DYM: variants seen among roughly 807,000 people sequenced by gnomAD.
DYM encodes the protein dymeclin, also known as dyggve-Melchior-Clausen syndrome protein.
DYM carries 78 observed loss-of-function variants against 93.1 expected under a neutral mutation model. The ratio of observed to expected loss-of-function variants is 0.84; its 90% CI spans 0.70 to 1.01. The LOEUF (loss-of-function observed/expected upper bound fraction) is 1.01. Ranked by LOEUF, DYM falls within the 50% of genes least tolerant of loss-of-function variation. DYM has a pLI of 0.00. For missense variants in DYM, 789 were observed against 845.0 expected (o/e 0.93, Z 0.82); for synonymous variants, 321 against 319.7 (o/e 1.00, Z -0.04).
intron 15 of DYM, among the ~76,000 whole-genome samples, chr18:49,149,883 T>C (rs1268666596): frequency 6.6e-6 from 1 of 151,816 alleles, no homozygotes; most frequent in Non-Finnish European, 1.5e-5. Flanking sequence ...ATTTTTGTAT[T>C]TTTTTAGTAG....
At chr18:49,434,978 C>T (rs912362186) in intron 1 of DYM, among the ~76,000 whole-genome samples, 14 of 152,038 alleles carry the variant, frequency 9.2e-5, no homozygotes, top group Admixed American at 7.9e-4. Context: ...GAAGCCAAGG[C>T]AGGCGGATCA....
At chr18:49,296,238 G>C (rs1275805956) in intron 8 of DYM, among the ~76,000 whole-genome samples, 2 of 152,082 alleles carry the variant, frequency 1.3e-5, no homozygotes, top group South Asian at 4.1e-4. Flanking sequence ...ACTATTTCTA[G>C]CTAGAAGCAT....
chr18:49,211,894 A>C (rs539102630), intron 13 of DYM, among the ~76,000 whole-genome samples: 8 of 152,242 alleles, frequency 5.3e-5, no homozygotes, highest in Non-Finnish European at 1.2e-4. Flanking sequence ...AAAGGATTCT[A>C]GGACTCCATC....
chr18:49,100,788 TA>T (rs1319526525), intron 16 of DYM, among the ~76,000 whole-genome samples: 1 of 152,180 alleles, frequency 6.6e-6, no homozygotes, highest in Non-Finnish European at 1.5e-5. Flanking sequence ...TACAGAATTG[TA>T]AAAAGGATCA....
intron 3 of DYM, among the ~76,000 whole-genome samples, chr18:49,384,111 GC>G (rs1296133723): frequency 6.6e-6 from 1 of 151,900 alleles, no homozygotes; most frequent in African/African-American, 2.4e-5. Context: ...ATTGCTTGTG[GC>G]CAGAAGTTCA....
intron 15 of DYM, among the ~76,000 whole-genome samples, chr18:49,121,104 A>G (rs1368878065): frequency 2.0e-5 from 3 of 152,266 alleles, no homozygotes; most frequent in African/African-American, 7.2e-5. Flanking sequence ...GAGATAAAAC[A>G]TTCTGAAAAT....
chr18:49,148,550 C>T (rs907068610), intron 15 of DYM, among the ~76,000 whole-genome samples: 1 of 152,080 alleles, frequency 6.6e-6, no homozygotes, highest in African/African-American at 2.4e-5. Context: ...AGCCCCGGCA[C>T]CAAGCCTTTA....
At chr18:49,272,938 G>A (rs2094746412) in intron 10 of DYM, among the ~76,000 whole-genome samples, 1 of 151,848 alleles carries the variant, frequency 6.6e-6, no homozygotes, top group Non-Finnish European at 1.5e-5. Context: ...ATTTATTAAA[G>A]ATGGGCAGAC....
chr18:49,324,347 T>C (rs544545885), intron 8 of DYM, among the ~76,000 whole-genome samples: 17 of 152,270 alleles, frequency 1.1e-4, no homozygotes, highest in African/African-American at 3.9e-4. Context: ...TATGAAAATC[T>C]TTAATTGGCA....
chr18:49,404,582 GTTAT>G (rs1002914366), intron 2 of DYM, among the ~76,000 whole-genome samples: 2 of 152,138 alleles, frequency 1.3e-5, no homozygotes, highest in African/African-American at 2.4e-5. Context: ...ACCAGCATCT[GTTAT>G]TTTTTGACCT....
At chr18:49,153,500 G>A (rs899554092) in intron 15 of DYM, among the ~76,000 whole-genome samples, 4 of 152,274 alleles carry the variant, frequency 2.6e-5, no homozygotes, top group African/African-American at 7.2e-5. Context: ...GAAAATACCC[G>A]ATGAACTGGA....
At chr18:49,350,766 T>G (rs577188320) in intron 6 of DYM, among the ~76,000 whole-genome samples, 2 of 149,052 alleles carry the variant, frequency 1.3e-5, no homozygotes, top group South Asian at 4.3e-4. Context: ...TTATGCGGTA[T>G]GCTATGAATG....
At chr18:49,210,260 G>T (rs1300820226) in intron 13 of DYM, among the ~76,000 whole-genome samples, 2 of 152,158 alleles carry the variant, frequency 1.3e-5, no homozygotes, top group Admixed American at 1.3e-4. Context: ...CTGCACACAG[G>T]TGTTTATGGC....
At chr18:49,286,749 A>C in intron 8 of DYM, 133 bp from the exon 9 acceptor site, 1 of 874,002 alleles carries the variant, frequency 1.1e-6, no homozygotes, top group Non-Finnish European at 1.8e-6. Flanking sequence ...TCATGTCTAT[A>C]CATTTCACAA....
At chr18:49,290,446 G>T (rs976459967) in intron 8 of DYM, among the ~76,000 whole-genome samples, 4 of 151,484 alleles carry the variant, frequency 2.6e-5, no homozygotes, top group African/African-American at 9.7e-5. Context: ...GGGATTGCAT[G>T]GAATTCAAGG....
chr18:49,441,134 A>C (rs1342891047), intron 1 of DYM, among the ~76,000 whole-genome samples: 1 of 4,226 alleles, frequency 2.4e-4, no homozygotes, highest in African/African-American at 4.2e-4. Context: ...ATATTTATAT[A>C]AATATATTAT....
chr18:49,065,455 T>C (rs1045699168), intron 17 of DYM, among the ~76,000 whole-genome samples: 2 of 152,292 alleles, frequency 1.3e-5, no homozygotes, highest in South Asian at 2.1e-4. Context: ...CTCCGCCTCC[T>C]GTGTTCAAGC....
chr18:49,407,864 A>G (rs2071693940), intron 2 of DYM, among the ~76,000 whole-genome samples: 1 of 152,216 alleles, frequency 6.6e-6, no homozygotes, highest in South Asian at 2.1e-4. Context: ...ACAAGAAACT[A>G]TGGGAGCTAA....
intron 6 of DYM, among the ~76,000 whole-genome samples, chr18:49,336,333 A>G (rs1430545467): frequency 6.6e-6 from 1 of 152,206 alleles, no homozygotes; most frequent in Non-Finnish European, 1.5e-5. Flanking sequence ...TTCAAAATTA[A>G]TTGGGCCAAA....
Sources: allele counts gnomAD v4.1 joint callset (sites outside exome capture counted in the v4.1 genomes callset), GRCh38; gene constraint gnomAD v4.1.1; transcripts MANE v1.5; gene names NCBI Gene and HGNC (gene_info 2026-07-23, HGNC 2026-07-21).